PARM1: variants seen among roughly 807,000 people sequenced by gnomAD.
The protein encoded by PARM1 is prostate androgen-regulated mucin-like protein 1.
Under a neutral mutation model 24.6 loss-of-function variants are expected in PARM1, and 14 were observed. The observed-to-expected ratio is 0.57, with a 90% CI of 0.38 to 0.89. The LOEUF (loss-of-function observed/expected upper bound fraction) is 0.89, where lower values mean the gene tolerates loss of function less well. Among genes scored for constraint, PARM1 ranks in the 40% least tolerant of loss-of-function variants. The pLI is 0.00. For synonymous variants in PARM1, 179 were observed against 156.6 expected, an observed-to-expected ratio of 1.14 and a Z score of -1.07; for missense variants, 362 against 380.4, an observed-to-expected ratio of 0.95 and a Z score of 0.40.
At chr4:75,020,262 C>T (rs1165031797) in intron 2 of PARM1, among the ~76,000 whole-genome samples, 4 of 152,038 alleles carry the variant, frequency 2.6e-5, no homozygotes, top group South Asian at 2.1e-4. Flanking sequence ...TGGTATCTTA[C>T]GCTCAGCTTT....
chr4:74,978,175 G>T lies in PARM1; in HGVS notation c.44-34250G>T, dbSNP rs561533149. On this transcript the variant is annotated intron_variant, in intron 1 of 3. Coordinates refer to ENST00000307428, the MANE Select transcript of PARM1 (RefSeq NM_015393.4). ...CCAATTAAAAGACACAGAATGGCAA[G>T]CTGGATAAAGAGTCAAGACTCATCA... is the stretch of plus-strand genomic sequence containing the variant. 1.4e-4 allele frequency among the ~76,000 whole-genome samples: 21 copies of T among 152,292 alleles called. No individual in the cohort carries two copies. In the South Asian group the frequency reaches 3.9e-3, roughly 29 times the overall value.
chr4:74,956,088 G>A (rs946752540), intron 1 of PARM1: 1 of 152,174 alleles, frequency 6.6e-6, no homozygotes, highest in Non-Finnish European at 1.5e-5. Flanking sequence ...ATAACACAAT[G>A]TGCTTTCTTT....
intron 1 of PARM1, among the ~76,000 whole-genome samples, chr4:74,957,598 A>T (rs1249305683): frequency 6.6e-6 from 1 of 152,206 alleles, no homozygotes; most frequent in East Asian, 1.9e-4. Context: ...AAGATGCAGA[A>T]GCAAACAGAT....
At chr4:74,943,963 A>C (rs1286171360) in intron 1 of PARM1, among the ~76,000 whole-genome samples, 1 of 152,198 alleles carries the variant, frequency 6.6e-6, no homozygotes, top group Admixed American at 6.5e-5. Context: ...CTGAAATATG[A>C]ATTGTGTTTT....
At chr4:74,989,682 G>T (rs1722426103) in intron 1 of PARM1, among the ~76,000 whole-genome samples, 2 of 152,084 alleles carry the variant, frequency 1.3e-5, no homozygotes, top group African/African-American at 4.8e-5. Context: ...AGAAGTTTTA[G>T]AGTAGGGCTG....
In PARM1 at chr4:75,012,929, G is replaced by C; in HGVS notation, c.548G>C (p.Ser183Thr). ...VTTNHSSTVT[S>T]TQPTGAPTAP... Reference sequence around the variant, plus strand: ...ACCAACCATAGCTCCACTGTGACCAGCACCCAACCCACTGGAGCTCCAACT... The same window carrying C: ...ACCAACCATAGCTCCACTGTGACCACCACCCAACCCACTGGAGCTCCAACT... The change falls in exon 2 of 4, where the codon AGC becomes ACC. Residue 183 changes from serine to threonine, a missense_variant. By Grantham distance (58) the Ser-to-Thr change is moderately conservative. Coordinates refer to ENST00000307428, the MANE Select transcript of PARM1 (RefSeq NM_015393.4). The C allele has an allele frequency of 6.2e-7, 1 of 1,613,944 alleles. No homozygotes were observed. The highest frequency in any genetic ancestry group is 8.5e-7 in the Non-Finnish European group (1 of 1,179,896).
intron 1 of PARM1, among the ~76,000 whole-genome samples, chr4:74,992,964 T>C (rs1162400240): frequency 6.6e-6 from 1 of 152,106 alleles, no homozygotes; most frequent in Non-Finnish European, 1.5e-5. Flanking sequence ...ATAACATATA[T>C]ACAAATAAAA....
chr4:74,985,397 G>A (rs375835632), intron 1 of PARM1, among the ~76,000 whole-genome samples: 7 of 152,174 alleles, frequency 4.6e-5, no homozygotes, highest in African/African-American at 1.7e-4. Context: ...AGCAAGGATG[G>A]GTGCAGATGC....
intron 1 of PARM1, among the ~76,000 whole-genome samples, chr4:74,936,256 A>G (rs1227133789): frequency 1.3e-5 from 2 of 152,136 alleles, no homozygotes; most frequent in South Asian, 2.1e-4. Context: ...TTATGCCAGG[A>G]TAAGGCATAT....
chr4:74,984,872 T>C (rs1375146517), intron 1 of PARM1, among the ~76,000 whole-genome samples: 1 of 152,166 alleles, frequency 6.6e-6, no homozygotes, highest in Non-Finnish European at 1.5e-5. Flanking sequence ...AGAGACTATA[T>C]GTGGTCCCAA....
chr4:75,036,319 C>T (rs1157794245), intron 3 of PARM1, among the ~76,000 whole-genome samples: 1 of 152,210 alleles, frequency 6.6e-6, no homozygotes, highest in Non-Finnish European at 1.5e-5. Flanking sequence ...TGGCTATAGG[C>T]AGGCAGTCTA....
intron 2 of PARM1, among the ~76,000 whole-genome samples, chr4:75,013,789 T>C (rs1722927596): frequency 6.6e-6 from 1 of 152,258 alleles, no homozygotes; most frequent in African/African-American, 2.4e-5. Context: ...ATGTCACATC[T>C]GTTTTTATTT....
intron 1 of PARM1, among the ~76,000 whole-genome samples, chr4:75,011,716 AG>A (rs1722874407): frequency 6.6e-6 from 1 of 152,232 alleles, no homozygotes; most frequent in Non-Finnish European, 1.5e-5. Flanking sequence ...TAAGGACCTC[AG>A]GCTGGAATTT....
At chr4:74,985,189 T>C (rs1456929202) in intron 1 of PARM1, among the ~76,000 whole-genome samples, 1 of 152,224 alleles carries the variant, frequency 6.6e-6, no homozygotes, top group Non-Finnish European at 1.5e-5. Flanking sequence ...GCAGTTGTGC[T>C]GCAGCTGAGG....
At chr4:74,980,216 CTCA>C (rs1259717370) in intron 1 of PARM1, among the ~76,000 whole-genome samples, 1 of 152,136 alleles carries the variant, frequency 6.6e-6, no homozygotes, top group Non-Finnish European at 1.5e-5. Flanking sequence ...TCTAGAAAAC[CTCA>C]TCATCTCCGC....
intron 2 of PARM1, among the ~76,000 whole-genome samples, chr4:75,015,237 T>C (rs1482431906): frequency 7.2e-5 from 11 of 152,206 alleles, no homozygotes; most frequent in Non-Finnish European, 5.9e-5. Flanking sequence ...TTCAAGACAG[T>C]TCTGTTCTAA....
At chr4:75,029,621 A>G (rs1259620038) in intron 2 of PARM1, among the ~76,000 whole-genome samples, 8 of 152,152 alleles carry the variant, frequency 5.3e-5, no homozygotes, top group African/African-American at 1.9e-4. Context: ...TATATAAATT[A>G]CCATCTTGAG....
chr4:74,947,851 AGTT>A (rs1721438906), intron 1 of PARM1, among the ~76,000 whole-genome samples: 1 of 152,158 alleles, frequency 6.6e-6, no homozygotes, highest in Non-Finnish European at 1.5e-5. Context: ...TAGACCTCCT[AGTT>A]GCTTGCAAAA....
chr4:75,016,532 T>C (rs1401501682), intron 2 of PARM1, among the ~76,000 whole-genome samples: 1 of 152,128 alleles, frequency 6.6e-6, no homozygotes, highest in African/African-American at 2.4e-5. Context: ...CAGTACCCAA[T>C]AGGTAGTTTT....
Sources: gnomAD v4.1 joint callset for allele counts (sites outside exome capture counted in the v4.1 genomes callset) on GRCh38, gnomAD v4.1.1 for gene constraint, MANE v1.5 for transcripts, NCBI Gene and HGNC (gene_info 2026-07-23, HGNC 2026-07-21) for gene names.